The following DYNLT3 variants were observed in gnomAD, a reference collection of about 807,000 sequenced individuals.
The protein encoded by DYNLT3 is protein 91/23.
A neutral mutation model predicts 11.0 loss-of-function variants in DYNLT3; 4 were observed. That is an observed-to-expected ratio of 0.36 (90% CI 0.18 to 0.83). The LOEUF (loss-of-function observed/expected upper bound fraction) is 0.83. Among genes scored for constraint, DYNLT3 ranks in the 40% least tolerant of loss-of-function variants. The pLI, the probability that DYNLT3 is intolerant of heterozygous loss-of-function variation, is 0.47. For missense variants in DYNLT3, 91 were observed against 91.1 expected, an observed-to-expected ratio of 1.00 and a Z score of 0.01; for synonymous variants, 37 against 31.2, an observed-to-expected ratio of 1.18 and a Z score of -0.61.
At position 37,847,182 on chromosome X, in the gene DYNLT3, C is replaced by A. The variant is rs886942607; in HGVS notation, c.30+299G>T. The A allele has an allele frequency of 3.6e-6, 4 of 1,097,955 alleles. No individual in the cohort carries two copies. In the African/African-American group the frequency reaches 7.5e-5, roughly 21 times the overall value. 90.5% of individuals were successfully genotyped at this position (1,097,955 alleles called of 1,213,427 possible). On this transcript the variant is annotated intron_variant, in intron 1 of 4. Coordinates refer to ENST00000378578, the MANE Select transcript of DYNLT3 (RefSeq NM_006520.3). ...AGGCCCGCCCGGTAGGAGGGCGGCG[C>A]CCGTCACCCCATGCCCACTCCTCGC...
In DYNLT3 at chrX:37,840,601, C is replaced by T. The variant is rs200218120; in HGVS notation, c.325G>A (p.Val109Ile). The T allele has an allele frequency of 5.3e-5, 64 of 1,200,854 alleles. No individual in the cohort carries two copies. Among genetic ancestry groups the T allele is most frequent in the African/African-American group, 2.5e-4 (14 of 56,288 alleles). ...TAAAGAACAATAGCAATGGCAAAAA[C>T]GTTGACAATACAGTTCATGGTCCGG... The part of the protein sequence containing the change: ...ENRTMNCIVN[V>I]FAIAIVL The change falls in exon 5 of 5, where the codon GTT (valine) becomes ATT (isoleucine). Residue 109 changes from valine (V) to isoleucine (I), a missense_variant. Coordinates refer to ENST00000378578, the MANE Select transcript of DYNLT3 (RefSeq NM_006520.3).
rs1301932528 is a variant in DYNLT3, at chrX:37,841,044, C to A, written c.258G>T (p.Trp86Cys). 6 of 1,209,772 alleles carry A rather than the reference C, an allele frequency of 5.0e-6. No individual in the cohort carries two copies. Among genetic ancestry groups the A allele is most frequent in the Non-Finnish European group, 6.7e-6 (6 of 894,765 alleles). The change falls in exon 4 of 5, where the codon TGG becomes TGT. Residue 86 changes from tryptophan to cysteine, a missense_variant. By Grantham distance (215) the Trp-to-Cys change is radical. Transcript: ENST00000378578. ...ATCTCTTACCATCAGATGTGGTATC[C>A]CAAAAACAGGAGCTGGCTGTGTGAA... The part of the protein sequence containing the change: ...YGFHTASSCF[W>C]DTTSDGTCTV...
intron 2 of DYNLT3, among the ~76,000 whole-genome samples, chrX:37,845,617 T>C (rs906971065): frequency 8.9e-6 from 1 of 112,641 alleles, no homozygotes; most frequent in Non-Finnish European, 1.9e-5. Flanking sequence ...ACATATATAT[T>C]ATACATATAC....
rs1165633738 is a variant in DYNLT3, at chrX:37,839,800, G to A, written c.*775C>T. ...ATTTGCACAGCACATTGACAACTAT[G>A]GTGCTTAGCAGAGACATATGCCCAT... On this transcript the variant is annotated 3_prime_UTR_variant, in exon 5 of 5. Coordinates refer to ENST00000378578, the MANE Select transcript of DYNLT3 (RefSeq NM_006520.3). The A allele has an allele frequency of 1.9e-4, 21 of 112,354 alleles. No individual in the cohort carries two copies. Among genetic ancestry groups the A allele is most frequent in the African/African-American group, 6.2e-4 (19 of 30,862 alleles). 9.3% of individuals were successfully genotyped at this position (112,354 alleles called of 1,213,427 possible). A position where few individuals can be genotyped will look rare whatever the true frequency, so the allele number is the denominator to read the frequency against.
chrX:37,844,293 C>T (rs187778053), intron 2 of DYNLT3, among the ~76,000 whole-genome samples: 21 of 102,246 alleles, frequency 2.1e-4, no homozygotes, highest in Non-Finnish European at 2.3e-4. Context: ...TCCAGTAGAA[C>T]AGAAAAGCTT....
intron 3 of DYNLT3, among the ~76,000 whole-genome samples, chrX:37,841,387 C>G (rs1322788375): frequency 8.9e-6 from 1 of 111,916 alleles, no homozygotes; most frequent in Non-Finnish European, 1.9e-5. Context: ...CAGTCAAATT[C>G]TGTGCTTTGT....
chrX:37,841,010 C>T lies in DYNLT3; in HGVS notation c.274+18G>A, dbSNP rs754909699. On this transcript the variant is annotated intron_variant, in intron 4 of 4. Coordinates refer to ENST00000378578, the MANE Select transcript of DYNLT3 (RefSeq NM_006520.3). ...GCTAAAAGTTGGATTTTGTGTAAAT[C>T]AGCTTAAGATCTCTTACCATCAGAT... 1 of 1,205,614 alleles carries T rather than the reference C, an allele frequency of 8.3e-7. No individual in the cohort carries two copies. The highest frequency in any genetic ancestry group is 1.7e-5 in the African/African-American group (1 of 57,390).
rs1422600294 is a variant in DYNLT3, at chrX:37,838,880, G to A, written c.*1695C>T. 9.0e-6 allele frequency: 1 copy of A among 111,471 alleles called. No homozygotes were observed. Among genetic ancestry groups the A allele is most frequent in the Non-Finnish European group, 1.9e-5 (1 of 53,101 alleles). 9.2% of individuals were successfully genotyped at this position (111,471 alleles called of 1,213,427 possible). A position where few individuals can be genotyped will look rare whatever the true frequency, so the allele number is the denominator to read the frequency against. Reference sequence around the variant, plus strand: ...ATTTATTATATTTTAACTAGAAACAGAGCAGATAGCAAGTTCACCAGGTAA... The same window carrying A: ...ATTTATTATATTTTAACTAGAAACAAAGCAGATAGCAAGTTCACCAGGTAA... On this transcript the variant is annotated 3_prime_UTR_variant, in exon 5 of 5. Coordinates refer to ENST00000378578, the MANE Select transcript of DYNLT3 (RefSeq NM_006520.3).
chrX:37,841,189 C>T lies in DYNLT3; in HGVS notation c.197-84G>A, dbSNP rs878921465. 35 of 775,296 alleles carry T rather than the reference C, an allele frequency of 4.5e-5. No individual in the cohort carries two copies. In the African/African-American group the frequency reaches 6.9e-4, roughly 15 times the overall value. The allele number at this position is 775,296 out of a possible 1,213,427, so 63.9% of individuals were successfully genotyped here. On this transcript the variant is annotated intron_variant, in intron 3 of 4. Transcript: ENST00000378578. ...CAAAGTGTGTGAGTTCAGAGCTCTA[C>T]AAGCCGAAAACAAGACAAAAAACAA...
Position 37,840,485 on chromosome X carries a change from A to G in DYNLT3, c.*90T>C, listed in dbSNP as rs1316581459. The G allele has an allele frequency of 7.6e-5, 61 of 805,252 alleles. No homozygotes were observed. Among genetic ancestry groups the G allele is most frequent in the Non-Finnish European group, 1.0e-4 (59 of 582,800 alleles). 66.4% of individuals were successfully genotyped at this position (805,252 alleles called of 1,213,427 possible). On this transcript the variant is annotated 3_prime_UTR_variant, in exon 5 of 5. Coordinates refer to ENST00000378578, the MANE Select transcript of DYNLT3 (RefSeq NM_006520.3). ...AAAGCATATTGCACGCTTTTCATCT[A>G]GCACACTAGTAAACAACTATTACTC... is the stretch of plus-strand genomic sequence containing the variant.
At position 37,847,491 on chromosome X, in the gene DYNLT3, T is replaced by G; in HGVS notation, c.20A>C (p.His7Pro). The G allele has an allele frequency of 1.0e-6, 1 of 997,122 alleles. No individual in the cohort carries two copies. The highest frequency in any genetic ancestry group is 4.2e-5 in the South Asian group (1 of 23,769). The allele number at this position is 997,122 out of a possible 1,213,427, so 82.2% of individuals were successfully genotyped here. ...GCCAAGGGGCGGTACCTCGTCGCAG[T>G]GGCGATGGTACTCCTCCATGGTAGC... MEEYHRHCDEVGFNAEE... is the reference protein window; with the variant it reads MEEYHRPCDEVGFNAEE... The change falls in exon 1 of 5, where the codon CAC (histidine) becomes CCC (proline). Residue 7 changes from histidine (H) to proline (P), a missense_variant. Transcript: ENST00000378578.
chrX:37,844,958 A>G (rs778635091), intron 2 of DYNLT3, among the ~76,000 whole-genome samples: 2 of 112,292 alleles, frequency 1.8e-5, no homozygotes, highest in South Asian at 3.7e-4. Flanking sequence ...TCTCTTTCTA[A>G]TGGCTCTTTT....
At chrX:37,847,195 G>A in intron 1 of DYNLT3, 1 of 1,074,437 alleles carries the variant, frequency 9.3e-7, no homozygotes, top group Non-Finnish European at 1.2e-6. Context: ...GTCACCCCAT[G>A]CCCACTCCTC....
At chrX:37,846,507 A>ACTTTTGCCCCT in intron 1 of DYNLT3, 149 bp from the exon 2 acceptor site, 1 of 470,369 alleles carries the variant, frequency 2.1e-6, no homozygotes, top group Non-Finnish European at 3.5e-6. Flanking sequence ...CTAAACACTT[A>ACTTTTGCCCCT]AAAATACTGA....
chrX:37,846,112 A>G (rs1007183185), intron 2 of DYNLT3, among the ~76,000 whole-genome samples: 1 of 112,407 alleles, frequency 8.9e-6, no homozygotes, highest in African/African-American at 3.2e-5. Context: ...TGGAGGTTGC[A>G]GTGAGCTGAG....
intron 1 of DYNLT3, among the ~76,000 whole-genome samples, chrX:37,846,650 G>C (rs1265653132): frequency 9.0e-6 from 1 of 111,379 alleles, no homozygotes; most frequent in African/African-American, 3.3e-5. Flanking sequence ...GTAAAACGTA[G>C]GAAATAAGCA....
chrX:37,841,876 A>G lies in DYNLT3; in HGVS notation c.102T>C (p.Asp34=), dbSNP rs1461529011. The change falls in exon 3 of 5, where the codon GAT becomes GAC. Residue 34 remains aspartate, a synonymous_variant. Coordinates refer to ENST00000378578, the MANE Select transcript of DYNLT3 (RefSeq NM_006520.3). The part of the protein sequence containing the change: ...ECVDGVLGGE[D]YNHNNINQWT... ...ACTGGTTGATGTTGTTGTGATTATA[A>G]TCTTCACCACCTAAAACCCCATCTA... The G allele has an allele frequency of 1.5e-5, 17 of 1,153,038 alleles. No homozygotes were observed. The highest frequency in any genetic ancestry group is 1.8e-5 in the Non-Finnish European group (15 of 856,333).
At chrX:37,840,719 TATATACAC>T in intron 4 of DYNLT3, 68 bp from the exon 5 acceptor site, 1 of 635,647 alleles carries the variant, frequency 1.6e-6, no homozygotes, top group Non-Finnish European at 2.4e-6. Context: ...TATATATATA[TATATACAC>T]ACACACACAC....
chrX:37,840,789 C>CACAT (rs1930138193), intron 4 of DYNLT3, 138 bp from the exon 5 acceptor site: 3 of 247,629 alleles, frequency 1.2e-5, no homozygotes, highest in Non-Finnish European at 2.0e-5. Flanking sequence ...CACACACACA[C>CACAT]ATATATATAT....
Sources: gnomAD v4.1 joint callset for allele counts (sites outside exome capture counted in the v4.1 genomes callset) on GRCh38, gnomAD v4.1.1 for gene constraint, MANE v1.5 for transcripts, NCBI Gene and HGNC (gene_info 2026-07-23, HGNC 2026-07-21) for gene names.